UPP1: variants seen among roughly 807,000 people sequenced by gnomAD.
UPP1 encodes UPase 1.
Under a neutral mutation model 29.6 loss-of-function variants are expected in UPP1, and 25 were observed. The observed-to-expected ratio is 0.85, with a 90% CI of 0.62 to 1.18. The LOEUF is 1.18. UPP1 is among the 50% of genes most tolerant of loss of function. UPP1 has a pLI of 0.00. For synonymous variants in UPP1, 165 were observed against 159.8 expected (o/e 1.03, Z -0.25); for missense variants, 368 against 410.4 (o/e 0.90, Z 0.89).
At chr7:48,095,231 A>T (rs1443346796) in intron 3 of UPP1, among the ~76,000 whole-genome samples, 2 of 152,224 alleles carry the variant, frequency 1.3e-5, no homozygotes, top group African/African-American at 4.8e-5. Context: ...GCTTGGCATG[A>T]CACCACTTGT....
intron 5 of UPP1, 53 bp downstream of exon 5, chr7:48,102,035 G>A: frequency 6.3e-7 from 1 of 1,578,952 alleles, no homozygotes; most frequent in East Asian, 2.3e-5. Context: ...AACCCCCTGT[G>A]CCCCACCCCT....
chr7:48,094,246 T>G (rs936832481), intron 2 of UPP1, among the ~76,000 whole-genome samples: 3 of 151,754 alleles, frequency 2.0e-5, no homozygotes, highest in Non-Finnish European at 2.9e-5. Context: ...AAGGGACAGG[T>G]TTTTGTTTTG....
At chr7:48,093,514 G>A (rs373866816) in intron 2 of UPP1, among the ~76,000 whole-genome samples, 8 of 152,274 alleles carry the variant, frequency 5.3e-5, no homozygotes, top group African/African-American at 1.9e-4. Flanking sequence ...AGGGAGTTGG[G>A]GGCCTGGCCA....
In UPP1 at chr7:48,095,644, A is replaced by C. The variant is rs528683602; in HGVS notation, c.44+817A>C. Among the ~76,000 whole-genome samples the C allele has an allele frequency of 5.1e-4, 77 of 150,930 alleles. No individual in the cohort carries two copies. In the South Asian group the frequency reaches 0.013, roughly 25 times the overall value. ...TCTGGTGCCTGTGGACATTCCCTGC[A>C]GTGATTTTTTTTTTTTGAGATGGAG... On this transcript the variant is annotated intron_variant, in intron 3 of 8. Coordinates refer to ENST00000395564, the MANE Select transcript of UPP1 (RefSeq NM_003364.4).
chr7:48,091,742 C>T (rs1160595727), intron 2 of UPP1, among the ~76,000 whole-genome samples: 1 of 152,066 alleles, frequency 6.6e-6, no homozygotes, highest in African/African-American at 2.4e-5. Flanking sequence ...CACTCACACC[C>T]AGGAGGGGGG....
chr7:48,092,005 C>G (rs2128808024), intron 2 of UPP1, among the ~76,000 whole-genome samples: 1 of 152,322 alleles, frequency 6.6e-6, no homozygotes, highest in East Asian at 1.9e-4. Flanking sequence ...TGGATTCTCT[C>G]TGGAGAGCTT....
chr7:48,100,635 C>G (rs1250231943), intron 4 of UPP1, among the ~76,000 whole-genome samples: 1 of 152,108 alleles, frequency 6.6e-6, no homozygotes, highest in East Asian at 1.9e-4. Context: ...TAAAGATGAA[C>G]TGACATGTAG....
At chr7:48,103,024 C>A (rs1792516226) in intron 5 of UPP1, among the ~76,000 whole-genome samples, 1 of 152,204 alleles carries the variant, frequency 6.6e-6, no homozygotes, top group Admixed American at 6.5e-5. Context: ...CTGGCAATAG[C>A]AGACTGCTGC....
intron 1 of UPP1, 133 bp downstream of exon 1, chr7:48,089,551 A>C (rs951101537): frequency 7.5e-4 from 115 of 153,636 alleles, no homozygotes; most frequent in African/African-American, 2.7e-3. Context: ...TGTGAGCTGC[A>C]GAGGAGCAGA....
intron 4 of UPP1, among the ~76,000 whole-genome samples, chr7:48,100,847 G>A (rs1792378787): frequency 6.6e-6 from 1 of 151,900 alleles, no homozygotes; most frequent in Non-Finnish European, 1.5e-5. Context: ...TTTATTCCAG[G>A]CTATGGAATT....
At chr7:48,093,072 T>TC (rs1387884719) in intron 2 of UPP1, among the ~76,000 whole-genome samples, 30 of 152,094 alleles carry the variant, frequency 2.0e-4, no homozygotes, top group Admixed American at 1.6e-3. Context: ...CACACCTTAT[T>TC]CCCCTTCTTA....
rs7459421 is a variant in UPP1, at chr7:48,096,452, A to G, written c.44+1625A>G. On this transcript the variant is annotated intron_variant, in intron 3 of 8. Transcript: ENST00000395564. ...GTGGAACTGGATCTTACTCATCTTT[A>G]TGTTCAGTACACCCAGCACAGGATG... Among the ~76,000 whole-genome samples the G allele has an allele frequency of 9.9e-3, 1,510 of 152,200 alleles. 20 individuals are homozygous for G. The highest frequency in any genetic ancestry group is 0.034 in the African/African-American group (1,422 of 41,528).
rs534851410 is a variant in UPP1, at chr7:48,100,338, C to T, written c.162+551C>T. On this transcript the variant is annotated intron_variant, in intron 4 of 8. Coordinates refer to ENST00000395564, the MANE Select transcript of UPP1 (RefSeq NM_003364.4). ...TGTGATTCCTTGCTTACCAAAACATCGTTACATGGGGCATGACTATGCATT... is the reference window on the plus strand; with the variant it reads ...TGTGATTCCTTGCTTACCAAAACATTGTTACATGGGGCATGACTATGCATT... Among the ~76,000 whole-genome samples the T allele has an allele frequency of 7.2e-5, 11 of 152,292 alleles. No individual in the cohort carries two copies. In the South Asian group the frequency reaches 1.4e-3, roughly 20 times the overall value.
At chr7:48,088,909 G>A (rs1257790643), upstream of UPP1, 1 of 152,428 alleles carries the variant, frequency 6.6e-6, no homozygotes, top group African/African-American at 2.4e-5. Flanking sequence ...TCCGCCCCAG[G>A]TTAGGACCAC....
rs763646970 is a variant in UPP1 at position 48,107,031 on chromosome 7, G to A, written c.595G>A (p.Glu199Lys). 6 of 1,612,398 alleles carry A rather than the reference G, an allele frequency of 3.7e-6. No homozygotes were observed. Among genetic ancestry groups the A allele is most frequent in the South Asian group, 2.2e-5 (2 of 91,000 alleles). Residue 199 changes from glutamate to lysine, a missense_variant, in exon 7 of 9, where the codon GAG becomes AAG. Physicochemically the swap from Glu to Lys is moderately conservative, Grantham distance 56 (BLOSUM62 1). Transcript: ENST00000395564. ...GTTGCTGTGTTCTGCAGAGCTGAGC[G>A]AGTTCACCACAGTGGTGGGGAACAC... The part of the protein sequence containing the change: ...ELLLCSAELS[E>K]FTTVVGNTMC...
At chr7:48,104,380 C>T (rs973997708) in intron 6 of UPP1, among the ~76,000 whole-genome samples, 3 of 152,184 alleles carry the variant, frequency 2.0e-5, no homozygotes, top group Non-Finnish European at 2.9e-5. Context: ...GGGGTTCCAA[C>T]TCTGTGCCAT....
intron 6 of UPP1, 109 bp downstream of exon 6, chr7:48,103,520 C>A: frequency 1.9e-6 from 2 of 1,078,244 alleles, no homozygotes; most frequent in South Asian, 2.6e-5. Flanking sequence ...CCTTTCTTGG[C>A]TTTGTTCAAG....
Position 48,107,391 on chromosome 7 carries a change from C to T in UPP1, c.677C>T (p.Ser226Phe), listed in dbSNP as rs1792816406. 6.2e-7 allele frequency: 1 copy of T among 1,613,912 alleles called. No individual in the cohort carries two copies. Among genetic ancestry groups the T allele is most frequent in the Admixed American group, 1.7e-5 (1 of 60,008 alleles). ...GGCCGTCTGGATGGGGCTCTCTGCT[C>T]CTACACGGAGAAGGACAAGCAGGCG... is the stretch of plus-strand genomic sequence containing the variant. ...GQGRLDGALC[S>F]YTEKDKQAYL... The change falls in exon 8 of 9, where the codon TCC (serine) becomes TTC (phenylalanine). Residue 226 changes from serine to phenylalanine, a missense_variant. Coordinates refer to ENST00000395564, the MANE Select transcript of UPP1 (RefSeq NM_003364.4).
chr7:48,098,951 T>C (rs1792273238), intron 3 of UPP1, among the ~76,000 whole-genome samples: 1 of 152,202 alleles, frequency 6.6e-6, no homozygotes, highest in Non-Finnish European at 1.5e-5. Context: ...CACTCACTCA[T>C]TTGTGTGCTA....
Sources: allele counts gnomAD v4.1 joint callset (sites outside exome capture counted in the v4.1 genomes callset), GRCh38; gene constraint gnomAD v4.1.1; transcripts MANE v1.5; gene names NCBI Gene and HGNC (gene_info 2026-07-23, HGNC 2026-07-21).